The following FERMT3 variants were observed in gnomAD, a reference collection of about 807,000 sequenced individuals.
FERMT3 encodes fermitin family homolog 3.
Under a neutral mutation model 80.8 loss-of-function variants are expected in FERMT3, and 33 were observed. That is an observed-to-expected ratio of 0.41 (90% CI 0.31 to 0.55). The LOEUF is 0.55. Among genes scored for constraint, FERMT3 ranks in the 20% least tolerant of loss-of-function variants. The probability of loss-of-function intolerance (pLI) is 0.31; values close to 1 mark genes in which losing one functional copy is unlikely to be tolerated. For missense variants in FERMT3, 754 were observed against 908.7 expected (o/e 0.83, Z 2.19); for synonymous variants, 375 against 372.2 (o/e 1.01, Z -0.09).
rs950130988 is a variant in FERMT3, at chr11:64,220,930, T to C, written c.1546-86T>C. The C allele has an allele frequency of 3.8e-6, 6 of 1,574,346 alleles. No homozygotes were observed. In the Admixed American group the frequency reaches 1.0e-4, roughly 27 times the overall value. ...ACTGCCCCTTCCCAGGCTCACATGC[T>C]GTCACCCTGATGGGGAGGTGGGGGC... On this transcript the variant is annotated intron_variant, in intron 12 of 14. Coordinates refer to ENST00000345728, the MANE Select transcript of FERMT3 (RefSeq NM_031471.6).
chr11:64,220,690 G>A (rs2134886741), intron 12 of FERMT3, 21 bp downstream of exon 12: 1 of 1,593,562 alleles, frequency 6.3e-7, no homozygotes, highest in Non-Finnish European at 8.6e-7. Flanking sequence ...GCGTCAGGGT[G>A]GGAATGAGCA....
chr11:64,212,502 C>T (rs574272924), intron 6 of FERMT3, among the ~76,000 whole-genome samples: 34 of 152,366 alleles, frequency 2.2e-4, no homozygotes, highest in African/African-American at 6.0e-4. Flanking sequence ...GTGAGAAGTG[C>T]ACCTGCTGAG....
In FERMT3 at chr11:64,223,351, C is replaced by A; in HGVS notation, c.1851C>A (p.Phe617Leu). 1 of 1,614,096 alleles carries A rather than the reference C, an allele frequency of 6.2e-7. No individual in the cohort carries two copies. The highest frequency in any genetic ancestry group is 8.5e-7 in the Non-Finnish European group (1 of 1,180,044). ...TTGATGAACACATCAATGTGGCCTT[C>A]AGCTGCGTGTCTGCCAGCTGCCGAA... The part of the protein sequence containing the change: ...IEFDEHINVA[F>L]SCVSASCRIV... The change falls in exon 15 of 15, where the codon TTC becomes TTA. Residue 617 changes from phenylalanine to leucine, a missense_variant. By Grantham distance (22) the Phe-to-Leu change is conservative (BLOSUM62 0). Transcript: ENST00000345728.
In FERMT3 at chr11:64,207,535, G is replaced by A. The variant is rs1017427707; in HGVS notation, c.160+11G>A. 4 of 1,592,818 alleles carry A rather than the reference G, an allele frequency of 2.5e-6. No homozygotes were observed. Among genetic ancestry groups the A allele is most frequent in the East Asian group, 4.5e-5 (2 of 44,490 alleles). On this transcript the variant is annotated intron_variant, in intron 2 of 14. Coordinates refer to ENST00000345728, the MANE Select transcript of FERMT3 (RefSeq NM_031471.6). ...TTGTGGAGCAGATCAGTGAGTGTCC[G>A]CTGCCCGCTTGCTGAACTCGGCACC...
intron 6 of FERMT3, among the ~76,000 whole-genome samples, chr11:64,218,504 C>T (rs1946601101): frequency 6.6e-6 from 1 of 151,152 alleles, no homozygotes; most frequent in Non-Finnish European, 1.5e-5. Flanking sequence ...AGGGTTTCAC[C>T]ATGTTGCCCA....
Position 64,223,585 on chromosome 11 carries a change from A to C in FERMT3, c.*93A>C. 1 of 1,433,546 alleles carries C rather than the reference A, an allele frequency of 7.0e-7. No homozygotes were observed. The highest frequency in any genetic ancestry group is 9.5e-7 in the Non-Finnish European group (1 of 1,053,624). The allele number at this position is 1,433,546 out of a possible 1,614,324, so 88.8% of individuals were successfully genotyped here. On this transcript the variant is annotated 3_prime_UTR_variant, in exon 15 of 15. Coordinates refer to ENST00000345728, the MANE Select transcript of FERMT3 (RefSeq NM_031471.6). ...GGGCTCACTGCCCCACACCCGCTCC[A>C]GGCAGGCACCCAGCTGGGCATTTCA... is the stretch of plus-strand genomic sequence containing the variant.
chr11:64,223,843 C>CT lies in FERMT3; in HGVS notation c.*356dup. On this transcript the variant is annotated 3_prime_UTR_variant, in exon 15 of 15. Coordinates refer to ENST00000345728, the MANE Select transcript of FERMT3 (RefSeq NM_031471.6). ...GTTTCAAACGAGTTCTTTCTTGTTACTTTTTAAAATTTCTTTTTTATAAAT... is the reference window on the plus strand; with the variant it reads ...GTTTCAAACGAGTTCTTTCTTGTTACTTTTTTAAAATTTCTTTTTTATAAAT... 1 of 1,426,172 alleles carries CT rather than the reference C, an allele frequency of 7.0e-7. No homozygotes were observed. The highest frequency in any genetic ancestry group is 9.5e-7 in the Non-Finnish European group (1 of 1,048,746). The allele number at this position is 1,426,172 out of a possible 1,614,324, so 88.3% of individuals were successfully genotyped here. A position where few individuals can be genotyped will look rare whatever the true frequency, so the allele number is the denominator to read the frequency against.
chr11:64,219,848 A>AG lies in FERMT3; in HGVS notation c.1080-38dup, dbSNP rs777640353. ...GAGGGGTTGGTCTGCATATGGAGGG[A>AG]GGGGGTGAGGCGGCCTTTCACAAAC... On this transcript the variant is annotated intron_variant, in intron 9 of 14. Coordinates refer to ENST00000345728, the MANE Select transcript of FERMT3 (RefSeq NM_031471.6). This position sits in a 1 kb window ranked among gnomAD's most constrained non-coding sequence, Gnocchi z 4.0. 3.5e-5 allele frequency: 56 copies of AG among 1,613,562 alleles called. No individual in the cohort carries two copies. The Middle Eastern group carries it at 4.9e-4, about 14-fold the overall frequency.
upstream of FERMT3, among the ~76,000 whole-genome samples, chr11:64,206,250 G>T (rs1362902625): frequency 6.6e-6 from 1 of 152,212 alleles, no homozygotes; most frequent in Non-Finnish European, 1.5e-5. Context: ...ACTGCAAAAT[G>T]GACTTGTTTC....
Position 64,219,566 on chromosome 11 carries a change from C to G in FERMT3, c.937C>G (p.Pro313Ala), listed in dbSNP as rs781076364. Reference protein sequence around the residue: ...KLSQSGEVGEPAGTDPGLDDL... With the variant: ...KLSQSGEVGEAAGTDPGLDDL... ...GTCCCAGAGCGGGGAGGTGGGGGAG[C>G]CGGCTGGCACAGACCCAGGGCTGGA... The change falls in exon 8 of 15, where the codon CCG becomes GCG. Residue 313 changes from proline to alanine, a missense_variant. Pro to Ala is a conservative substitution (Grantham distance 27). Coordinates refer to ENST00000345728, the MANE Select transcript of FERMT3 (RefSeq NM_031471.6). The surrounding 1 kb of genome is among the most constrained non-coding windows in gnomAD (Gnocchi z 4.0). 2.5e-6 allele frequency: 4 copies of G among 1,611,936 alleles called. 1 individual carries two copies. The East Asian group carries it at 8.9e-5, about 36-fold the overall frequency.
In FERMT3 at chr11:64,223,539, C is replaced by T. The variant is rs745936122; in HGVS notation, c.*47C>T. ...CCTGCTCACCACCCTGTCACAGCCA[C>T]TCCCAAGCCCACACCCACAGGGGCT... is the stretch of plus-strand genomic sequence containing the variant. On this transcript the variant is annotated 3_prime_UTR_variant, in exon 15 of 15. Transcript: ENST00000345728. The T allele has an allele frequency of 1.3e-6, 2 of 1,568,746 alleles. No individual in the cohort carries two copies. Among genetic ancestry groups the T allele is most frequent in the African/African-American group, 2.7e-5 (2 of 74,274 alleles).
intron 2 of FERMT3, among the ~76,000 whole-genome samples, chr11:64,208,653 A>T (rs986687415): frequency 6.6e-6 from 1 of 152,146 alleles, no homozygotes; most frequent in East Asian, 1.9e-4. Flanking sequence ...GAGCCAGAGG[A>T]GGGGGCTGCC....
At chr11:64,207,680 T>A in intron 2 of FERMT3, 156 bp downstream of exon 2, 1 of 860,188 alleles carries the variant, frequency 1.2e-6, no homozygotes, top group Non-Finnish European at 1.7e-6. Context: ...AAAAAGACAT[T>A]TCCCCAACTT....
intron 13 of FERMT3, among the ~76,000 whole-genome samples, chr11:64,221,741 A>G (rs1165792776): frequency 7.0e-6 from 1 of 143,566 alleles, no homozygotes; most frequent in East Asian, 2.0e-4. Context: ...AGCCTGGCCA[A>G]CATAGTGAAA....
intron 1 of FERMT3, 67 bp from the exon 2 acceptor site, chr11:64,207,284 C>T: frequency 2.5e-6 from 4 of 1,594,676 alleles, no homozygotes; most frequent in Non-Finnish European, 3.4e-6. Flanking sequence ...CATCACAGAG[C>T]TCTTCTGCCC....
intron 2 of FERMT3, among the ~76,000 whole-genome samples, chr11:64,209,234 G>A (rs548424711): frequency 6.6e-6 from 1 of 152,344 alleles, no homozygotes; most frequent in East Asian, 1.9e-4. Flanking sequence ...GCCGAGACCA[G>A]GAGTCATGGT....
chr11:64,214,263 G>T (rs1946505353), intron 6 of FERMT3, among the ~76,000 whole-genome samples: 1 of 147,958 alleles, frequency 6.8e-6, no homozygotes, highest in Non-Finnish European at 1.5e-5. Flanking sequence ...CCACCTCGCG[G>T]ATTCAAGCGA....
chr11:64,210,603 C>A lies in FERMT3; in HGVS notation c.161-8C>A, dbSNP rs1325776580. 1 of 1,612,844 alleles carries A rather than the reference C, an allele frequency of 6.2e-7. No individual in the cohort carries two copies. Among genetic ancestry groups the A allele is most frequent in the Non-Finnish European group, 8.5e-7 (1 of 1,178,972 alleles). On this transcript the variant is annotated splice_region_variant and splice_polypyrimidine_tract_variant and intron_variant, in intron 2 of 14. Coordinates refer to ENST00000345728, the MANE Select transcript of FERMT3 (RefSeq NM_031471.6). This position sits in a 1 kb window ranked among gnomAD's most constrained non-coding sequence, Gnocchi z 4.3. ...GGTTGGACCCAGATGTGCCCCCGTGCCCCACAGATCGCAAGCAGGACTGGT... is the reference window on the plus strand; with the variant it reads ...GGTTGGACCCAGATGTGCCCCCGTGACCCACAGATCGCAAGCAGGACTGGT...
intron 6 of FERMT3, among the ~76,000 whole-genome samples, chr11:64,213,044 C>G (rs1946476391): frequency 1.3e-5 from 2 of 151,486 alleles, no homozygotes; most frequent in African/African-American, 2.4e-5. Flanking sequence ...TAGGCGTGTA[C>G]TATACCTGGC....
Sources: gnomAD v4.1 joint callset for allele counts (sites outside exome capture counted in the v4.1 genomes callset) on GRCh38, gnomAD v4.1.1 for gene constraint, Gnocchi (gnomAD v3.1) non-coding constraint, MANE v1.5 for transcripts, NCBI Gene and HGNC (gene_info 2026-07-23, HGNC 2026-07-21) for gene names.